SDK2: variants seen among roughly 807,000 people sequenced by gnomAD.
The protein encoded by SDK2 is sidekick cell adhesion molecule 2.
Under a neutral mutation model 253.9 loss-of-function variants are expected in SDK2, and 105 were observed. That is an observed-to-expected ratio of 0.41 (90% CI 0.35 to 0.49). The LOEUF (loss-of-function observed/expected upper bound fraction) is 0.49. Ranked by LOEUF, SDK2 falls within the 20% of genes least tolerant of loss-of-function variation. The pLI is 0.06. For synonymous variants in SDK2, 1,249 were observed against 1,234.9 expected (o/e 1.01, Z -0.24); for missense variants, 2,608 against 3,003.0 (o/e 0.87, Z 3.07).
At chr17:73,617,152 A>G (rs1326133687) in intron 1 of SDK2, among the ~76,000 whole-genome samples, 1 of 145,190 alleles carries the variant, frequency 6.9e-6, no homozygotes, top group Non-Finnish European at 1.5e-5. Context: ...GGAGGGGAGA[A>G]GCTTCCCGCA....
chr17:73,528,619 C>T (rs1379473907), intron 1 of SDK2, among the ~76,000 whole-genome samples: 2 of 152,202 alleles, frequency 1.3e-5, no homozygotes, highest in African/African-American at 4.8e-5. Flanking sequence ...GGGCTGCTTG[C>T]TCTCTGTTCT....
At chr17:73,520,825 T>A (rs973381029) in intron 1 of SDK2, 2 of 152,254 alleles carry the variant, frequency 1.3e-5, no homozygotes, top group Non-Finnish European at 2.9e-5. Context: ...TATTGTATGA[T>A]GCCATTTATA....
At position 73,387,911 on chromosome 17, in the gene SDK2, C is replaced by T. The variant is rs377237314; in HGVS notation, c.4319G>A (p.Arg1440His). The T allele has an allele frequency of 5.3e-5, 84 of 1,591,166 alleles. No homozygotes were observed. Among genetic ancestry groups the T allele is most frequent in the African/African-American group, 4.8e-4 (36 of 74,560 alleles). ...TGCCCACCTGCCGCTGGGCAGCTCG[C>T]GGGTCTGGATGGTGTAGTAGCGCAC... ...SPVRYYTIQT[R>H]ELPSGRWALH... The change falls in exon 30 of 45, where the codon CGC (arginine) becomes CAC (histidine). Residue 1440 changes from arginine (R) to histidine (H), a missense_variant. Transcript: ENST00000392650.
At chr17:73,392,782 G>C (rs896489592) in intron 27 of SDK2, among the ~76,000 whole-genome samples, 1 of 152,116 alleles carries the variant, frequency 6.6e-6, no homozygotes, top group African/African-American at 2.4e-5. Flanking sequence ...GGAGATAGGA[G>C]GGGGCAAGGG....
At chr17:73,552,305 T>C (rs2045073815) in intron 1 of SDK2, among the ~76,000 whole-genome samples, 1 of 152,246 alleles carries the variant, frequency 6.6e-6, no homozygotes, top group Admixed American at 6.5e-5. Context: ...CCAGAATAAT[T>C]GTCTTATTCA....
chr17:73,434,096 A>C (rs890852369), intron 9 of SDK2, among the ~76,000 whole-genome samples: 2 of 152,204 alleles, frequency 1.3e-5, no homozygotes, highest in African/African-American at 4.8e-5. Context: ...ACCAGTCCCC[A>C]CACTGCTTGG....
Position 73,390,318 on chromosome 17 carries a change from G to C in SDK2, c.4161C>G (p.Ala1387=), listed in dbSNP as rs374363485. The change falls in exon 29 of 45, where the codon GCC becomes GCG. Residue 1387 remains alanine (A), a synonymous_variant. Transcript: ENST00000392650. ...AQTRKGWGEA[A]EALVVTTEKR... ...TCTCGGTGGTCACCACCAAGGCCTC[G>C]GCAGCTTCTCCCCAGCCCTTGCGGG... is the stretch of plus-strand genomic sequence containing the variant. The C allele has an allele frequency of 2.3e-5, 35 of 1,515,800 alleles. No individual in the cohort carries two copies. In the South Asian group the frequency reaches 3.9e-4, roughly 17 times the overall value. 93.9% of individuals were successfully genotyped at this position (1,515,800 alleles called of 1,614,324 possible).
intron 1 of SDK2, among the ~76,000 whole-genome samples, chr17:73,635,330 C>T (rs750433344): frequency 1.3e-5 from 2 of 152,120 alleles, no homozygotes; most frequent in Non-Finnish European, 2.9e-5. Flanking sequence ...CGTCTGGGCC[C>T]CTGCTGCCAC....
intron 36 of SDK2, 113 bp from the exon 37 acceptor site, chr17:73,368,706 A>T (rs1437750932): frequency 1.1e-6 from 1 of 951,172 alleles, no homozygotes; most frequent in African/African-American, 1.7e-5. Context: ...TCACCTGGGA[A>T]ACAGCGGAGA....
chr17:73,634,990 A>ATT (rs375613000), intron 1 of SDK2, among the ~76,000 whole-genome samples: 21 of 143,534 alleles, frequency 1.5e-4, no homozygotes, highest in Admixed American at 1.0e-3. Context: ...TCAGGTTTCT[A>ATT]TTTTTTTTTT....
At chr17:73,390,940 T>C (rs1368336734) in intron 28 of SDK2, among the ~76,000 whole-genome samples, 1 of 152,172 alleles carries the variant, frequency 6.6e-6, no homozygotes, top group Non-Finnish European at 1.5e-5. Context: ...CAAGCCCCCA[T>C]TTTAAAGGTG....
At chr17:73,536,048 C>T (rs1410290440) in intron 1 of SDK2, among the ~76,000 whole-genome samples, 2 of 152,194 alleles carry the variant, frequency 1.3e-5, no homozygotes, top group African/African-American at 4.8e-5. Context: ...GCTTTGCCTA[C>T]ACTAGCAAGC....
chr17:73,424,503 G>A (rs1319132489), intron 12 of SDK2, among the ~76,000 whole-genome samples: 1 of 152,152 alleles, frequency 6.6e-6, no homozygotes, highest in African/African-American at 2.4e-5. Context: ...GTTTTATGAG[G>A]GGAATCATTA....
At chr17:73,404,655 G>A (rs1455215812) in intron 18 of SDK2, among the ~76,000 whole-genome samples, 1 of 152,198 alleles carries the variant, frequency 6.6e-6, no homozygotes, top group African/African-American at 2.4e-5. Context: ...GGTACACAGA[G>A]CTGCTGAGAT....
At chr17:73,388,183 G>A (rs2062890675) in intron 29 of SDK2, 146 bp from the exon 30 acceptor site, 1 of 643,992 alleles carries the variant, frequency 1.6e-6, no homozygotes, top group East Asian at 2.8e-5. Flanking sequence ...CAGGATCCTT[G>A]CAGGTTCTCA....
At chr17:73,604,607 G>A (rs931735421) in intron 1 of SDK2, among the ~76,000 whole-genome samples, 4 of 152,232 alleles carry the variant, frequency 2.6e-5, no homozygotes, top group Admixed American at 6.5e-5. Flanking sequence ...TGCTGCAACA[G>A]TCCAGGAGAC....
chr17:73,387,970 C>A lies in SDK2; in HGVS notation c.4260G>T (p.Leu1420=). The change falls in exon 30 of 45, where the codon CTG becomes CTT. Residue 1420 remains leucine (L), a synonymous_variant. Coordinates refer to ENST00000392650, the MANE Select transcript of SDK2 (RefSeq NM_001144952.2). ...GCCCGTCGCTCCCTGGCTCCCAGGA[C>A]AGCAGCACGCTGCGTGCTCTCACAT... ...QEDVRARSVL[L]SWEPGSDGLS... 6.4e-7 allele frequency: 1 copy of A among 1,572,630 alleles called. No homozygotes were observed. The highest frequency in any genetic ancestry group is 2.4e-5 in the East Asian group (1 of 42,358).
intron 15 of SDK2, among the ~76,000 whole-genome samples, chr17:73,420,925 C>A (rs1368565335): frequency 6.6e-6 from 1 of 152,220 alleles, no homozygotes; most frequent in African/African-American, 2.4e-5. Context: ...ATCCGCCCCC[C>A]TCAGCCTCCC....
Position 73,386,540 on chromosome 17 carries a change from G to A in SDK2, c.4403C>T (p.Pro1468Leu), listed in dbSNP as rs2062874137. Residue 1468 changes from proline (P) to leucine (L), a missense_variant, in exon 31 of 45, where the codon CCC (proline) becomes CTC (leucine). Physicochemically the swap from Pro to Leu is moderately conservative, Grantham distance 98 (BLOSUM62 -3). This residue lies in a region of SDK2 where 1,103 missense variants were observed against 1,143.9 expected (regional missense o/e 0.96). Transcript: ENST00000392650. ...ASSFIVDRLK[P>L]FTSYKFRVKA... ...CACTCGGAACTTGTAGGACGTGAAG[G>A]GCTTCAGCCTGTAGGGAGAAATCAG... The A allele has an allele frequency of 6.4e-7, 1 of 1,554,572 alleles. No homozygotes were observed. Among genetic ancestry groups the A allele is most frequent in the South Asian group, 1.2e-5 (1 of 84,212 alleles).
Sources: allele counts gnomAD v4.1 joint callset (sites outside exome capture counted in the v4.1 genomes callset), GRCh38; gene constraint gnomAD v4.1.1; regional missense constraint gnomAD v4.1.1; transcripts MANE v1.5; gene names NCBI Gene and HGNC (gene_info 2026-07-23, HGNC 2026-07-21).